Variants in AK9 observed in about 807,000 individuals in gnomAD.
AK9 encodes adenylate kinase 9, also known as adenylate kinase domain containing 1.
Under a neutral mutation model 239.6 loss-of-function variants are expected in AK9, and 191 were observed. That is an observed-to-expected ratio of 0.80 (90% CI 0.71 to 0.90). The LOEUF (loss-of-function observed/expected upper bound fraction) is 0.90, where lower values mean the gene tolerates loss of function less well. AK9 is among the 40% of genes least tolerant of loss of function. The pLI, the probability that AK9 is intolerant of heterozygous loss-of-function variation, is 0.00. For missense variants in AK9, 1,995 were observed against 2,214.7 expected (o/e 0.90, Z 1.99); for synonymous variants, 689 against 721.0 (o/e 0.96, Z 0.71).
At chr6:109,544,469 C>T (rs1052743801) in intron 26 of AK9, among the ~76,000 whole-genome samples, 1 of 152,056 alleles carries the variant, frequency 6.6e-6, no homozygotes, top group Non-Finnish European at 1.5e-5. Context: ...ACCATTACCC[C>T]CTTGGTACTG....
chr6:109,667,704 C>T (rs1801425906), intron 5 of AK9, among the ~76,000 whole-genome samples: 1 of 152,212 alleles, frequency 6.6e-6, no homozygotes, highest in Non-Finnish European at 1.5e-5. Context: ...TTTCCAGCTT[C>T]ATCCATGTAC....
intron 29 of AK9, among the ~76,000 whole-genome samples, chr6:109,523,920 A>G (rs1032292488): frequency 3.3e-5 from 5 of 152,194 alleles, no homozygotes; most frequent in African/African-American, 1.2e-4. Flanking sequence ...TTGGAGGTAC[A>G]TAACAAAGTC....
chr6:109,530,243 C>T (rs1277523772), intron 28 of AK9, among the ~76,000 whole-genome samples: 2 of 152,130 alleles, frequency 1.3e-5, no homozygotes, highest in African/African-American at 2.4e-5. Flanking sequence ...TGCTCTGGGG[C>T]TCTGGTGCAG....
At chr6:109,682,440 A>G (rs1238761080) in intron 1 of AK9, among the ~76,000 whole-genome samples, 7 of 151,292 alleles carry the variant, frequency 4.6e-5, no homozygotes, top group African/African-American at 1.5e-4. Flanking sequence ...AAAAAAAAAA[A>G]AAAATCAATG....
chr6:109,510,357 T>C (rs1305251128), intron 32 of AK9, among the ~76,000 whole-genome samples: 1 of 151,926 alleles, frequency 6.6e-6, no homozygotes, highest in Non-Finnish European at 1.5e-5. Context: ...ACCCTCTCTG[T>C]TGATAGCTGG....
intron 10 of AK9, among the ~76,000 whole-genome samples, chr6:109,637,266 G>A (rs956760025): frequency 2.0e-5 from 3 of 152,174 alleles, no homozygotes; most frequent in East Asian, 1.9e-4. Context: ...TGGAGTTGTA[G>A]TTGTTCTTTA....
At chr6:109,684,938 T>C (rs551316108) in intron 1 of AK9, among the ~76,000 whole-genome samples, 1 of 131,544 alleles carries the variant, frequency 7.6e-6, no homozygotes, top group South Asian at 2.5e-4. Flanking sequence ...GAACAGACAC[T>C]TCTCAAAAGA....
chr6:109,583,021 T>A (rs1347091525), intron 19 of AK9, among the ~76,000 whole-genome samples: 1 of 152,198 alleles, frequency 6.6e-6, no homozygotes, highest in Non-Finnish European at 1.5e-5. Flanking sequence ...GGTATATACA[T>A]TTTTAGACAT....
At chr6:109,578,074 G>A (rs1181644004) in intron 20 of AK9, among the ~76,000 whole-genome samples, 2 of 151,916 alleles carry the variant, frequency 1.3e-5, no homozygotes, top group Non-Finnish European at 2.9e-5. Flanking sequence ...TGGGATTACA[G>A]GCGTGCACCA....
At chr6:109,593,590 A>G (rs1248443357) in intron 17 of AK9, among the ~76,000 whole-genome samples, 1 of 152,248 alleles carries the variant, frequency 6.6e-6, no homozygotes, top group Non-Finnish European at 1.5e-5. Flanking sequence ...AATATCCCTG[A>G]TGAACATCAA....
chr6:109,631,776 G>A (rs888419680), intron 12 of AK9: 1 of 152,070 alleles, frequency 6.6e-6, no homozygotes, highest in African/African-American at 2.4e-5. Context: ...TCAATCAACA[G>A]AATACAATAA....
chr6:109,652,782 G>A (rs1163853739), intron 8 of AK9, among the ~76,000 whole-genome samples: 1 of 152,162 alleles, frequency 6.6e-6, no homozygotes, highest in Non-Finnish European at 1.5e-5. Context: ...GCTCCTCCAT[G>A]CTGCCCGCAC....
chr6:109,608,485 A>G (rs1793190895), intron 17 of AK9, among the ~76,000 whole-genome samples: 1 of 152,010 alleles, frequency 6.6e-6, no homozygotes, highest in Non-Finnish European at 1.5e-5. Context: ...ATAAAACTTG[A>G]CCACATTGTG....
intron 9 of AK9, 57 bp from the exon 10 acceptor site, chr6:109,641,673 T>C: frequency 1.4e-6 from 2 of 1,456,144 alleles, no homozygotes; most frequent in Non-Finnish European, 1.9e-6. Flanking sequence ...TCAAATACTC[T>C]GAAACAGTGG....
intron 40 of AK9, 75 bp from the exon 41 acceptor site, chr6:109,493,646 G>A (rs1562310448): frequency 1.5e-5 from 19 of 1,276,510 alleles, no homozygotes; most frequent in Admixed American, 1.9e-5. Context: ...ACCTGGATGT[G>A]TGGTTGAGTT....
chr6:109,619,167 T>C lies in AK9; in HGVS notation c.1324A>G (p.Ile442Val), dbSNP rs774634914. 25 of 1,550,316 alleles carry C rather than the reference T, an allele frequency of 1.6e-5. No individual in the cohort carries two copies. The South Asian group carries it at 2.7e-4, about 17-fold the overall frequency. The change falls in exon 13 of 41, where the codon ATA becomes GTA. Residue 442 changes from isoleucine (I) to valine (V), a missense_variant. Physicochemically the swap from Ile to Val is conservative, Grantham distance 29 (BLOSUM62 3). Coordinates refer to ENST00000424296, the MANE Select transcript of AK9 (RefSeq NM_001145128.3). The part of the protein sequence containing the change: ...KARETLVENT[I>V]AEATAAAIKV... The stretch of plus-strand genomic sequence containing the variant: ...ATTGCTGCTGCAGTGGCCTCAGCTA[T>C]GGTATTTTCTACTAATGTTTCACGG...
intron 8 of AK9, among the ~76,000 whole-genome samples, chr6:109,648,649 T>C (rs1288212520): frequency 6.6e-6 from 1 of 152,214 alleles, no homozygotes; most frequent in Non-Finnish European, 1.5e-5. Flanking sequence ...CACAGCCAAA[T>C]TCTACCAAAG....
intron 6 of AK9, among the ~76,000 whole-genome samples, chr6:109,662,245 G>A (rs1192822487): frequency 5.3e-5 from 8 of 152,168 alleles, no homozygotes; most frequent in Admixed American, 5.2e-4. Context: ...AGGTGTGGAA[G>A]GGAGTGACAG....
chr6:109,514,167 T>C lies in AK9; in HGVS notation c.4279+57A>G, dbSNP rs982713236. On this transcript the variant is annotated intron_variant, in intron 32 of 40. Transcript: ENST00000424296. ...TTGGTGAATTGACCTGCCATGTGCA[T>C]TGGGTACAAGCAGATTCTTTTATGC... 11 of 1,463,434 alleles carry C rather than the reference T, an allele frequency of 7.5e-6. No homozygotes were observed. In the African/African-American group the frequency reaches 1.0e-4, roughly 13 times the overall value. The allele number at this position is 1,463,434 out of a possible 1,614,324, so 90.7% of individuals were successfully genotyped here.
Sources: allele counts gnomAD v4.1 joint callset (sites outside exome capture counted in the v4.1 genomes callset), GRCh38; gene constraint gnomAD v4.1.1; transcripts MANE v1.5; gene names NCBI Gene and HGNC (gene_info 2026-07-23, HGNC 2026-07-21).